The following CTNND2 variants were observed in gnomAD, a reference collection of about 807,000 sequenced individuals.
The protein encoded by CTNND2 is catenin delta 2, also known as catenin delta-2.
Under a neutral mutation model 144.4 loss-of-function variants are expected in CTNND2, and 22 were observed. The ratio of observed to expected loss-of-function variants is 0.15; its 90% CI spans 0.11 to 0.22. The LOEUF is 0.22. Ranked by LOEUF, CTNND2 falls within the 10% of genes least tolerant of loss-of-function variation. The probability of loss-of-function intolerance (pLI) is 1.00; values close to 1 mark genes in which losing one functional copy is unlikely to be tolerated. For missense variants in CTNND2, 1,353 were observed against 1,618.8 expected, an observed-to-expected ratio of 0.84 and a Z score of 2.82; for synonymous variants, 751 against 695.6, an observed-to-expected ratio of 1.08 and a Z score of -1.25.
chr5:11,227,112 GGAT>G (rs1740438270), intron 10 of CTNND2, among the ~76,000 whole-genome samples: 1 of 152,138 alleles, frequency 6.6e-6, no homozygotes, highest in South Asian at 2.1e-4. Flanking sequence ...CTCAAAACGT[GGAT>G]GATGAACAAT....
chr5:11,295,754 C>T (rs940518564), intron 9 of CTNND2, among the ~76,000 whole-genome samples: 1 of 152,044 alleles, frequency 6.6e-6, no homozygotes, highest in African/African-American at 2.4e-5. Flanking sequence ...ATTTAATAAA[C>T]TGTGCTGGGA....
At chr5:11,286,378 A>G (rs773383357) in intron 9 of CTNND2, among the ~76,000 whole-genome samples, 4 of 152,214 alleles carry the variant, frequency 2.6e-5, no homozygotes, top group Non-Finnish European at 4.4e-5. Flanking sequence ...ACATGTCTTA[A>G]GTTATTAAAA....
chr5:11,414,898 G>A (rs1359327441), intron 3 of CTNND2, among the ~76,000 whole-genome samples: 1 of 152,164 alleles, frequency 6.6e-6, no homozygotes, highest in Non-Finnish European at 1.5e-5. Context: ...ATGGCCTCCA[G>A]CCCTATCCAT....
At chr5:11,046,621 A>T (rs1455103774) in intron 16 of CTNND2, among the ~76,000 whole-genome samples, 1 of 152,250 alleles carries the variant, frequency 6.6e-6, no homozygotes, top group Non-Finnish European at 1.5e-5. Context: ...ATCATGTCTC[A>T]TCAGTCATAT....
chr5:11,356,949 T>C (rs950989233), intron 8 of CTNND2, among the ~76,000 whole-genome samples: 2 of 151,898 alleles, frequency 1.3e-5, no homozygotes, highest in African/African-American at 4.8e-5. Context: ...TAACTAATCA[T>C]CAGGGAAATG....
chr5:11,303,138 C>T (rs914494158), intron 9 of CTNND2, among the ~76,000 whole-genome samples: 3 of 152,208 alleles, frequency 2.0e-5, no homozygotes, highest in Admixed American at 6.5e-5. Flanking sequence ...CTTTCTCTTC[C>T]ACTCAACACT....
chr5:11,054,558 C>T (rs562354153), intron 16 of CTNND2, among the ~76,000 whole-genome samples: 28 of 152,268 alleles, frequency 1.8e-4, no homozygotes, highest in African/African-American at 6.5e-4. Context: ...ATCCCCTCAG[C>T]TGCTCCCGCC....
chr5:11,087,927 G>A (rs1328466894), intron 15 of CTNND2, among the ~76,000 whole-genome samples: 1 of 152,140 alleles, frequency 6.6e-6, no homozygotes, highest in Non-Finnish European at 1.5e-5. Context: ...AACAAAGAAG[G>A]TCAAGCTCAA....
At chr5:11,170,415 ATGTATCT>A (rs1305858368) in intron 11 of CTNND2, among the ~76,000 whole-genome samples, 1 of 152,238 alleles carries the variant, frequency 6.6e-6, no homozygotes, top group Non-Finnish European at 1.5e-5. Context: ...AATTGTATGT[ATGTATCT>A]TCATACAACA....
Position 11,159,846 on chromosome 5 carries a change from C to G in CTNND2, c.1976-87G>C. Reference sequence around the variant, plus strand: ...GTCTTCCTTATTTGAGTTAACGGAACTGGCAGGAAGGATGAAAATACTGTG... The same window carrying G: ...GTCTTCCTTATTTGAGTTAACGGAAGTGGCAGGAAGGATGAAAATACTGTG... On this transcript the variant is annotated intron_variant, in intron 11 of 21. Coordinates refer to ENST00000304623, the MANE Select transcript of CTNND2 (RefSeq NM_001332.4). 3 of 1,093,112 alleles carry G rather than the reference C, an allele frequency of 2.7e-6. No individual in the cohort carries two copies. In the East Asian group the frequency reaches 7.5e-5, roughly 27 times the overall value. The allele number at this position is 1,093,112 out of a possible 1,614,324, so 67.7% of individuals were successfully genotyped here.
chr5:11,890,557 T>G (rs1268230417), intron 1 of CTNND2, among the ~76,000 whole-genome samples: 8 of 152,220 alleles, frequency 5.3e-5, no homozygotes, highest in African/African-American at 1.7e-4. Flanking sequence ...AATTAAAATT[T>G]TATCCTTCAT....
At chr5:11,372,278 C>A (rs550985339) in intron 7 of CTNND2, among the ~76,000 whole-genome samples, 2 of 152,210 alleles carry the variant, frequency 1.3e-5, no homozygotes, top group Admixed American at 6.5e-5. Flanking sequence ...AAAGTATATG[C>A]CCCTTGTTCC....
intron 14 of CTNND2, among the ~76,000 whole-genome samples, chr5:11,105,725 C>A (rs896734408): frequency 6.6e-6 from 1 of 152,210 alleles, no homozygotes; most frequent in Admixed American, 6.5e-5. Context: ...GAATATGGTT[C>A]ATCCATGGAT....
At chr5:11,721,986 C>T (rs1786717240) in intron 2 of CTNND2, among the ~76,000 whole-genome samples, 1 of 152,200 alleles carries the variant, frequency 6.6e-6, no homozygotes, top group African/African-American at 2.4e-5. Flanking sequence ...AACAAGACAA[C>T]TTACCATAGT....
chr5:11,434,751 T>A (rs1057415219), intron 3 of CTNND2, among the ~76,000 whole-genome samples: 2 of 152,130 alleles, frequency 1.3e-5, no homozygotes, highest in African/African-American at 4.8e-5. Context: ...TTTCTGTATG[T>A]TTTTTACATA....
chr5:11,681,965 CTGACACATGACACA>C (rs78015659), intron 2 of CTNND2, among the ~76,000 whole-genome samples: 1 of 152,106 alleles, frequency 6.6e-6, no homozygotes, highest in African/African-American at 2.4e-5. Flanking sequence ...GACTGGCCTT[CTGACACATGACACA>C]TGACACATGA....
chr5:11,456,371 A>G (rs1406447273), intron 3 of CTNND2, among the ~76,000 whole-genome samples: 1 of 150,596 alleles, frequency 6.6e-6, no homozygotes, highest in Non-Finnish European at 1.5e-5. Flanking sequence ...ATAGAGAATC[A>G]TTTTAAAAAC....
At chr5:11,314,190 C>G (rs1751275287) in intron 9 of CTNND2, among the ~76,000 whole-genome samples, 1 of 152,190 alleles carries the variant, frequency 6.6e-6, no homozygotes, top group African/African-American at 2.4e-5. Flanking sequence ...GGGTCTCACA[C>G]AGCAGCTCAA....
At chr5:10,989,059 T>G (rs953661992) in intron 19 of CTNND2, among the ~76,000 whole-genome samples, 1 of 152,158 alleles carries the variant, frequency 6.6e-6, no homozygotes, top group African/African-American at 2.4e-5. Context: ...CTTAAAAAAC[T>G]GGTACTAGAA....
Sources: allele counts gnomAD v4.1 joint callset (sites outside exome capture counted in the v4.1 genomes callset), GRCh38; gene constraint gnomAD v4.1.1; transcripts MANE v1.5; gene names NCBI Gene and HGNC (gene_info 2026-07-23, HGNC 2026-07-21).